The following ARL10 variants were observed in gnomAD, a reference collection of about 807,000 sequenced individuals.
The protein encoded by ARL10 is ARF like GTPase 10.
In ARL10, 23 loss-of-function variants were observed where a neutral mutation model predicts 26.1. The ratio of observed to expected loss-of-function variants is 0.88; its 90% CI spans 0.63 to 1.25. The LOEUF is 1.25. Among genes scored for constraint, ARL10 ranks in the 50% most tolerant of loss-of-function variants. The pLI is 0.00. For missense variants in ARL10, 300 were observed against 323.6 expected, an observed-to-expected ratio of 0.93 and a Z score of 0.56; for synonymous variants, 138 against 149.1, an observed-to-expected ratio of 0.93 and a Z score of 0.54.
downstream of ARL10, among the ~76,000 whole-genome samples, chr5:176,402,334 A>C (rs1756866072): frequency 6.6e-6 from 1 of 152,112 alleles, no homozygotes; most frequent in Non-Finnish European, 1.5e-5. Context: ...AAAACATCTG[A>C]AGGCTCCCTA....
At chr5:176,389,291 C>T, downstream of ARL10, 1 of 1,587,018 alleles carries the variant, frequency 6.3e-7, no homozygotes, top group Non-Finnish European at 8.6e-7. Context: ...ACCTGCGGGG[C>T]CCGACCTGCT....
Position 176,379,685 on chromosome 5 carries a change from A to G in ARL10, c.*7790A>G, listed in dbSNP as rs1755504680. On this transcript the variant is annotated 3_prime_UTR_variant, in exon 4 of 4. Transcript: ENST00000310389. ...TTCTAAATGAGCTCTATAATCTGAA[A>G]CCGGTTCATCTTTCTTTTGCCCACA... 1 of 152,126 alleles carries G rather than the reference A, an allele frequency of 6.6e-6. No individual in the cohort carries two copies. The highest frequency in any genetic ancestry group is 2.1e-4 in the South Asian group (1 of 4,824). The allele number at this position is 152,126 out of a possible 1,614,324, so 9.4% of individuals were successfully genotyped here.
the ARL10 span, among the ~76,000 whole-genome samples, chr5:176,414,986 A>T: frequency 6.6e-6 from 1 of 152,236 alleles, no homozygotes; most frequent in African/African-American, 2.4e-5. Context: ...ATATGTATAT[A>T]TGTTAGCACT....
downstream of ARL10, chr5:176,406,302 G>A (rs1051901871): frequency 1.5e-5 from 16 of 1,054,044 alleles, no homozygotes; most frequent in Non-Finnish European, 1.8e-5. Context: ...GGCAGGAGGC[G>A]ACAGTCAGGG....
chr5:176,391,755 A>G (rs1756269593), downstream of ARL10, among the ~76,000 whole-genome samples: 1 of 152,142 alleles, frequency 6.6e-6, no homozygotes, highest in Non-Finnish European at 1.5e-5. Flanking sequence ...AGCCAGAAGC[A>G]GGTGGAACAG....
At chr5:176,385,099 G>C, downstream of ARL10, 1 of 728,264 alleles carries the variant, frequency 1.4e-6, no homozygotes, top group East Asian at 2.5e-5. Context: ...CCATTTCCTA[G>C]AGTCTCTTTT....
intron 3 of ARL10, among the ~76,000 whole-genome samples, chr5:176,370,869 T>C (rs1038660427): frequency 6.6e-6 from 1 of 152,182 alleles, no homozygotes; most frequent in African/African-American, 2.4e-5. Flanking sequence ...CTGGAAGTGA[T>C]CCTACTGTAT....
At chr5:176,389,563 C>T (rs1756176935), downstream of ARL10, 5 of 1,505,902 alleles carry the variant, frequency 3.3e-6, no homozygotes, top group Non-Finnish European at 4.5e-6. Context: ...ACCACTGGCC[C>T]TACCGTGGGA....
chr5:176,401,144 C>T (rs553435638), intron 1 of ARL10, among the ~76,000 whole-genome samples: 21 of 152,372 alleles, frequency 1.4e-4, no homozygotes, highest in Non-Finnish European at 2.9e-4. Flanking sequence ...TTCACTGCTG[C>T]TCCTTTCTGG....
exon 2 of ARL10, chr5:176,388,618 G>C: frequency 7.1e-7 from 1 of 1,416,894 alleles, no homozygotes; most frequent in Non-Finnish European, 9.8e-7. Flanking sequence ...CTTCCGGAAG[G>C]CGTGCACAAG....
intron 3 of ARL10, 127 bp downstream of exon 3, chr5:176,369,109 T>C (rs901173546): frequency 1.0e-5 from 16 of 1,536,886 alleles, no homozygotes; most frequent in African/African-American, 2.7e-5. Context: ...CCACCTCTTC[T>C]ACCTATGCCC....
At chr5:176,388,873 T>C (rs1060588), downstream of ARL10, 144,068 of 1,613,954 alleles carry the variant, frequency 0.089, 7,278 homozygotes, top group African/African-American at 0.16. Flanking sequence ...CATCGAAGCC[T>C]CCAGTCATTG....
chr5:176,399,987 T>C (rs1756734373), intron 1 of ARL10, among the ~76,000 whole-genome samples: 1 of 151,244 alleles, frequency 6.6e-6, no homozygotes, highest in Admixed American at 6.6e-5. Context: ...AGGTCAGGAG[T>C]TCGAGACCAG....
chr5:176,412,186 A>G, the ARL10 span, among the ~76,000 whole-genome samples: 1 of 151,814 alleles, frequency 6.6e-6, no homozygotes, highest in Admixed American at 6.6e-5. Flanking sequence ...AAAAAAAAAA[A>G]AAAAAAAGAA....
intron 1 of ARL10, among the ~76,000 whole-genome samples, chr5:176,394,627 A>G (rs539300073): frequency 1.3e-5 from 2 of 150,072 alleles, no homozygotes; most frequent in Non-Finnish European, 3.0e-5. Flanking sequence ...ATCCTGGCTA[A>G]CACGGTGAAA....
intron 1 of ARL10, among the ~76,000 whole-genome samples, chr5:176,387,668 T>A (rs1755991533): frequency 6.6e-6 from 1 of 152,208 alleles, no homozygotes; most frequent in African/African-American, 2.4e-5. Context: ...TAATAGTTGT[T>A]GAAGCCTCCA....
At chr5:176,406,583 T>G, downstream of ARL10, 1 of 1,288,616 alleles carries the variant, frequency 7.8e-7, no homozygotes, top group Non-Finnish European at 1.0e-6. Flanking sequence ...GGAGGCGGAG[T>G]CCTGCAGGGC....
rs1768648347 is a variant in ARL10 at position 176,375,110 on chromosome 5, C to CCACCCG, written c.*3215_*3216insCACCCG. The CCACCCG allele has an allele frequency of 2.0e-5, 1 of 49,064 alleles. No homozygotes were observed. The highest frequency in any genetic ancestry group is 5.1e-5 in the Non-Finnish European group (1 of 19,764). The allele number at this position is 49,064 out of a possible 1,614,324, so 3.0% of individuals were successfully genotyped here. On this transcript the variant is annotated 3_prime_UTR_variant, in exon 4 of 4. Coordinates refer to ENST00000310389, the MANE Select transcript of ARL10 (RefSeq NM_173664.6). ...CATCCATCCATCCATCCATCCATCCCTCCATCCGTCCACCCGTCCACCCGT... is the reference window on the plus strand; with the variant it reads ...CATCCATCCATCCATCCATCCATCCCCACCCGTCCATCCGTCCACCCGTCCACCCGT...
downstream of ARL10, chr5:176,389,307 C>G (rs777249962): frequency 3.1e-6 from 5 of 1,601,404 alleles, no homozygotes; most frequent in South Asian, 3.3e-5. Flanking sequence ...CTGCTGTTTC[C>G]CAGTTGCTTT....
Sources: gnomAD v4.1 joint callset for allele counts (sites outside exome capture counted in the v4.1 genomes callset) on GRCh38, gnomAD v4.1.1 for gene constraint, MANE v1.5 for transcripts, NCBI Gene and HGNC (gene_info 2026-07-23, HGNC 2026-07-21) for gene names.